The following PDGFD variants were observed in gnomAD, a reference collection of about 807,000 sequenced individuals.
PDGFD encodes the protein platelet-derived growth factor D.
PDGFD carries 30 observed loss-of-function variants against 44.7 expected under a neutral mutation model. The observed-to-expected ratio is 0.67, with a 90% confidence interval of 0.50 to 0.91. The LOEUF (loss-of-function observed/expected upper bound fraction) is 0.91. Ranked by LOEUF, PDGFD falls within the 40% of genes least tolerant of loss-of-function variation. PDGFD has a pLI of 0.00. For missense variants in PDGFD, 445 were observed against 457.8 expected (o/e 0.97, Z 0.25); for synonymous variants, 173 against 168.4 (o/e 1.03, Z -0.21).
intron 3 of PDGFD, among the ~76,000 whole-genome samples, chr11:103,956,107 A>C (rs1028866691): frequency 2.0e-5 from 3 of 151,156 alleles, no homozygotes; most frequent in Non-Finnish European, 2.9e-5. Context: ...ACATGTGGAC[A>C]ATGTGCAGGT....
chr11:104,083,776 T>C (rs1341813679), intron 1 of PDGFD, among the ~76,000 whole-genome samples: 1 of 152,222 alleles, frequency 6.6e-6, no homozygotes, highest in Non-Finnish European at 1.5e-5. Context: ...GCTGATATAT[T>C]TCCACACTGG....
chr11:104,003,608 G>A (rs1352317683), intron 1 of PDGFD, among the ~76,000 whole-genome samples: 3 of 152,212 alleles, frequency 2.0e-5, no homozygotes, highest in Non-Finnish European at 2.9e-5. Context: ...GCTCAGTGTG[G>A]TATTATTGAT....
At chr11:104,125,055 C>A (rs1359300770) in intron 1 of PDGFD, among the ~76,000 whole-genome samples, 1 of 152,092 alleles carries the variant, frequency 6.6e-6, no homozygotes, top group Non-Finnish European at 1.5e-5. Context: ...TTCAACTTCT[C>A]CCTTGGGCAC....
intron 1 of PDGFD, among the ~76,000 whole-genome samples, chr11:104,142,140 TAACA>T (rs952855928): frequency 4.7e-4 from 71 of 152,262 alleles, no homozygotes; most frequent in African/African-American, 1.1e-3. Flanking sequence ...ATAATACACA[TAACA>T]AACAATACAC....
At chr11:103,941,915 T>C (rs2134321749) in intron 5 of PDGFD, among the ~76,000 whole-genome samples, 1 of 152,180 alleles carries the variant, frequency 6.6e-6, no homozygotes, top group East Asian at 1.9e-4. Flanking sequence ...CTAGTAGAGA[T>C]CCAAACACAG....
chr11:104,007,299 A>T (rs1276645879), intron 1 of PDGFD, among the ~76,000 whole-genome samples: 1 of 152,158 alleles, frequency 6.6e-6, no homozygotes, highest in African/African-American at 2.4e-5. Flanking sequence ...ACTGCCTTTG[A>T]CAGTCTCACC....
At chr11:103,939,494 T>A (rs1339213404) in intron 5 of PDGFD, among the ~76,000 whole-genome samples, 2 of 152,188 alleles carry the variant, frequency 1.3e-5, no homozygotes, top group Non-Finnish European at 2.9e-5. Context: ...AATCATGTCA[T>A]CTGCAAACAG....
chr11:104,010,776 G>GAA, intron 1 of PDGFD, among the ~76,000 whole-genome samples: 1 of 152,026 alleles, frequency 6.6e-6, no homozygotes, highest in South Asian at 2.1e-4. Context: ...TAAAGAATGT[G>GAA]AAAAAAATGA....
intron 1 of PDGFD, among the ~76,000 whole-genome samples, chr11:104,102,317 A>G (rs2134446155): frequency 6.6e-6 from 1 of 152,372 alleles, no homozygotes. Flanking sequence ...GCCAAAAAAC[A>G]CATGAAAATA....
chr11:103,937,317 G>C (rs1489544993), intron 5 of PDGFD, among the ~76,000 whole-genome samples: 1 of 151,928 alleles, frequency 6.6e-6, no homozygotes, highest in African/African-American at 2.4e-5. Context: ...ATTATGTCCT[G>C]GATTTTTCTT....
Position 103,947,654 on chromosome 11 carries a change from T to C in PDGFD, c.573+8A>G, listed in dbSNP as rs1171958107. Reference sequence around the variant, plus strand: ...CTTTTGCTGGCAACAGAGTAATAAATTACTTACTGAAATAGAGCTTGTGAC... The same window carrying C: ...CTTTTGCTGGCAACAGAGTAATAAACTACTTACTGAAATAGAGCTTGTGAC... On this transcript the variant is annotated splice_region_variant and intron_variant, in intron 4 of 6. Coordinates refer to ENST00000393158, the MANE Select transcript of PDGFD (RefSeq NM_025208.5). The C allele has an allele frequency of 6.2e-6, 10 of 1,610,824 alleles. No individual in the cohort carries two copies. The African/African-American group carries it at 1.3e-4, about 22-fold the overall frequency.
rs554355992 is a variant in PDGFD at position 104,140,850 on chromosome 11, A to C, written c.124+22954T>G. On this transcript the variant is annotated intron_variant, in intron 1 of 6. Transcript: ENST00000393158. ...TATAAAGCCAGTCAATTGTTTATCA[A>C]TTTTACTGCTGAAATATCTCCCTTG... 1.6e-4 allele frequency among the ~76,000 whole-genome samples: 24 copies of C among 152,294 alleles called. No individual in the cohort carries two copies. In the East Asian group the frequency reaches 4.6e-3, roughly 29 times the overall value.
intron 1 of PDGFD, among the ~76,000 whole-genome samples, chr11:104,063,660 T>C (rs982290934): frequency 1.3e-5 from 2 of 152,080 alleles, no homozygotes; most frequent in Non-Finnish European, 2.9e-5. Flanking sequence ...CTTACAATCA[T>C]GACAGAAGGT....
chr11:104,070,984 T>G (rs1259636819), intron 1 of PDGFD, among the ~76,000 whole-genome samples: 1 of 152,134 alleles, frequency 6.6e-6, no homozygotes, highest in Non-Finnish European at 1.5e-5. Flanking sequence ...CCTCTATAAG[T>G]TGTACCAATG....
At chr11:104,119,894 T>TTATAC (rs2134462304) in intron 1 of PDGFD, among the ~76,000 whole-genome samples, 1 of 132,504 alleles carries the variant, frequency 7.5e-6, no homozygotes, top group Non-Finnish European at 1.6e-5. Context: ...TAGTACATAA[T>TTATAC]TATATAATAT....
At chr11:103,963,346 A>C (rs1398953089) in intron 3 of PDGFD, among the ~76,000 whole-genome samples, 1 of 152,182 alleles carries the variant, frequency 6.6e-6, no homozygotes, top group Non-Finnish European at 1.5e-5. Flanking sequence ...CAGATACATT[A>C]GATAAAATAG....
chr11:104,051,998 C>A (rs939067887), intron 1 of PDGFD, among the ~76,000 whole-genome samples: 2 of 152,144 alleles, frequency 1.3e-5, no homozygotes, highest in Non-Finnish European at 2.9e-5. Context: ...ACCCTATACA[C>A]CTTATGCAAT....
intron 6 of PDGFD, among the ~76,000 whole-genome samples, chr11:103,920,825 G>C (rs529222839): frequency 1.6e-4 from 25 of 152,170 alleles, no homozygotes; most frequent in Non-Finnish European, 2.9e-5. Context: ...AACATTTACT[G>C]TTCTGGATCA....
At chr11:104,130,089 G>C (rs1243351691) in intron 1 of PDGFD, among the ~76,000 whole-genome samples, 1 of 151,672 alleles carries the variant, frequency 6.6e-6, no homozygotes, top group African/African-American at 2.4e-5. Flanking sequence ...ATGAAAGATA[G>C]AGAATAAGAA....
Sources: allele counts gnomAD v4.1 joint callset (sites outside exome capture counted in the v4.1 genomes callset), GRCh38; gene constraint gnomAD v4.1.1; transcripts MANE v1.5; gene names NCBI Gene and HGNC (gene_info 2026-07-23, HGNC 2026-07-21).